Variants in USH2A observed in about 807,000 individuals in gnomAD.
USH2A encodes usherin, also known as Usher syndrome 2A (autosomal recessive, mild).
In USH2A, 443 loss-of-function variants were observed where a neutral mutation model predicts 538.9. The ratio of observed to expected loss-of-function variants is 0.82; its 90% CI spans 0.76 to 0.89. The LOEUF (loss-of-function observed/expected upper bound fraction) is 0.89. USH2A is among the 40% of genes least tolerant of loss of function. The pLI is 0.00. For missense variants in USH2A, 6,633 were observed against 6,324.8 expected, an observed-to-expected ratio of 1.05 and a Z score of -1.65; for synonymous variants, 2,413 against 2,273.5, an observed-to-expected ratio of 1.06 and a Z score of -1.75.
At chr1:215,904,303 TATA>T (rs1384856712) in intron 38 of USH2A, among the ~76,000 whole-genome samples, 1 of 152,106 alleles carries the variant, frequency 6.6e-6, no homozygotes, top group Non-Finnish European at 1.5e-5. Flanking sequence ...AAGTAGGCTT[TATA>T]ATAATAATAA....
intron 21 of USH2A, among the ~76,000 whole-genome samples, chr1:216,117,814 G>GTATA (rs146211624): frequency 6.9e-6 from 1 of 144,698 alleles, no homozygotes; most frequent in Non-Finnish European, 1.5e-5. Flanking sequence ...ATATATATAT[G>GTATA]TATATATATA....
intron 38 of USH2A, among the ~76,000 whole-genome samples, chr1:215,929,866 T>A (rs1330630582): frequency 6.6e-6 from 1 of 152,066 alleles, no homozygotes; most frequent in East Asian, 1.9e-4. Context: ...GCCTAAGTTT[T>A]ACTTCCTAAT....
chr1:215,767,310 G>A (rs948062747), intron 55 of USH2A, among the ~76,000 whole-genome samples: 36 of 152,244 alleles, frequency 2.4e-4, no homozygotes, highest in Non-Finnish European at 5.0e-4. Context: ...CTCTTCTCCA[G>A]GCTAACCATC....
At chr1:215,744,275 G>A (rs778092019) in intron 58 of USH2A, among the ~76,000 whole-genome samples, 7 of 152,184 alleles carry the variant, frequency 4.6e-5, no homozygotes, top group South Asian at 4.1e-4. Context: ...TAAATACAGC[G>A]AAAATTTGGG....
At chr1:215,842,418 G>C (rs1478250806) in intron 46 of USH2A, among the ~76,000 whole-genome samples, 1 of 152,066 alleles carries the variant, frequency 6.6e-6, no homozygotes, top group Non-Finnish European at 1.5e-5. Context: ...CAAAGACCTA[G>C]GACCAGAAAC....
chr1:216,288,915 A>G (rs1036734506), intron 11 of USH2A, among the ~76,000 whole-genome samples: 1 of 152,218 alleles, frequency 6.6e-6, no homozygotes, highest in Non-Finnish European at 1.5e-5. Context: ...GACTTTTGCT[A>G]TATGATCTTC....
intron 62 of USH2A, among the ~76,000 whole-genome samples, chr1:215,678,640 A>G (rs1244839790): frequency 6.6e-6 from 1 of 152,002 alleles, no homozygotes; most frequent in African/African-American, 2.4e-5. Context: ...TCCCTTGCTT[A>G]TTTATTTACT....
At chr1:216,028,730 G>A (rs1008090923) in intron 32 of USH2A, among the ~76,000 whole-genome samples, 5 of 152,002 alleles carry the variant, frequency 3.3e-5, no homozygotes, top group African/African-American at 1.2e-4. Flanking sequence ...TTACAAAATA[G>A]GAAGAAGAAT....
At chr1:216,011,662 A>G (rs1217804832) in intron 32 of USH2A, among the ~76,000 whole-genome samples, 1 of 151,986 alleles carries the variant, frequency 6.6e-6, no homozygotes. Flanking sequence ...CTGCAGCCCT[A>G]ATACTTTAGA....
At chr1:215,733,096 C>T (rs1660053032) in intron 60 of USH2A, among the ~76,000 whole-genome samples, 1 of 149,992 alleles carries the variant, frequency 6.7e-6, no homozygotes, top group African/African-American at 2.5e-5. Context: ...ATGATGCTGG[C>T]ATCTGCTTAT....
intron 20 of USH2A, among the ~76,000 whole-genome samples, chr1:216,178,884 T>C (rs149494413): frequency 2.0e-5 from 3 of 152,260 alleles, no homozygotes; most frequent in African/African-American, 7.2e-5. Flanking sequence ...CACATATGAT[T>C]CATGACTACC....
chr1:216,044,594 G>A (rs953301547), intron 32 of USH2A, among the ~76,000 whole-genome samples: 3 of 152,010 alleles, frequency 2.0e-5, no homozygotes, highest in Admixed American at 6.6e-5. Context: ...TTTACCAATT[G>A]CTAATGACAT....
chr1:216,134,987 G>A (rs2033451837), intron 21 of USH2A, among the ~76,000 whole-genome samples: 1 of 151,988 alleles, frequency 6.6e-6, no homozygotes, highest in African/African-American at 2.4e-5. Flanking sequence ...TCTCAAACTG[G>A]CAGATCATAA....
chr1:216,066,835 A>G (rs925952460), intron 30 of USH2A, among the ~76,000 whole-genome samples: 4 of 152,212 alleles, frequency 2.6e-5, no homozygotes, highest in Admixed American at 6.5e-5. Flanking sequence ...TTAGGACTTT[A>G]GGATCCAGAA....
chr1:215,743,193 T>C lies in USH2A; in HGVS notation c.11532A>G (p.Ile3844Met), dbSNP rs765306173. The part of the protein sequence containing the change: ...LTPFTQYEIR[I>M]QACQNGSCGV... ...GACTTTCACCATTTTGACATGCTTG[T>C]ATCCTTATCTCATACTGTGTGAATG... Residue 3844 changes from isoleucine to methionine, a missense_variant, in exon 59 of 72, where the codon ATA (isoleucine) becomes ATG (methionine). By Grantham distance (10) the Ile-to-Met change is conservative. Transcript: ENST00000307340. 3.0e-5 allele frequency: 48 copies of C among 1,610,992 alleles called. No individual in the cohort carries two copies. The South Asian group carries it at 4.6e-4, about 15-fold the overall frequency.
intron 21 of USH2A, among the ~76,000 whole-genome samples, chr1:216,122,240 G>A (rs1830857): frequency 0.95 from 144,450 of 152,258 alleles, 68,599 homozygotes; most frequent in African/African-American, 0.99. Context: ...AAGCACGGGA[G>A]AAAAGTATCA....
At chr1:216,132,106 T>C (rs181365651) in intron 21 of USH2A, among the ~76,000 whole-genome samples, 159 of 152,248 alleles carry the variant, frequency 1.0e-3, no homozygotes, top group African/African-American at 3.8e-3. Context: ...TTTACTATGA[T>C]ATAATATTTA....
At chr1:216,031,229 T>G (rs996495894) in intron 32 of USH2A, among the ~76,000 whole-genome samples, 3 of 152,078 alleles carry the variant, frequency 2.0e-5, no homozygotes, top group Non-Finnish European at 4.4e-5. Flanking sequence ...CTTATCCAGA[T>G]GTGCTTTTAT....
At chr1:216,418,847 A>G (rs1264339918) in intron 2 of USH2A, among the ~76,000 whole-genome samples, 168 bp from the exon 3 acceptor site, 4 of 152,140 alleles carry the variant, frequency 2.6e-5, no homozygotes, top group Non-Finnish European at 5.9e-5. Flanking sequence ...CTTTATTCCA[A>G]TGAAGAAGCC....
Sources: gnomAD v4.1 joint callset for allele counts (sites outside exome capture counted in the v4.1 genomes callset) on GRCh38, gnomAD v4.1.1 for gene constraint, MANE v1.5 for transcripts, NCBI Gene and HGNC (gene_info 2026-07-23, HGNC 2026-07-21) for gene names.